LIMK1: variants seen among roughly 807,000 people sequenced by gnomAD.
The protein encoded by LIMK1 is LIM domain kinase 1, also known as LIM motif-containing protein kinase.
LIMK1 carries 21 observed loss-of-function variants against 77.6 expected under a neutral mutation model. That is an observed-to-expected ratio of 0.27 (90% CI 0.19 to 0.39). LIMK1 has a LOEUF of 0.39. Among genes scored for constraint, LIMK1 ranks in the 10% least tolerant of loss-of-function variants. The pLI, the probability that LIMK1 is intolerant of heterozygous loss-of-function variation, is 1.00. For missense variants in LIMK1, 696 were observed against 901.6 expected (o/e 0.77, Z 2.92); for synonymous variants, 358 against 370.0 (o/e 0.97, Z 0.37).
At chr7:74,093,626 G>A (rs1356199090) in intron 2 of LIMK1, among the ~76,000 whole-genome samples, 2 of 152,178 alleles carry the variant, frequency 1.3e-5, no homozygotes, top group African/African-American at 2.4e-5. Context: ...CTGGGCTGCA[G>A]AGCACCCCTT....
chr7:74,120,732 A>G lies in LIMK1; in HGVS notation c.1623+94A>G, dbSNP rs549381175. ...TCAGCATCTGCAGGGGCCTCATGCCAGGAAGCCTGCCCACAGCAAGGCATG... is the reference window on the plus strand; with the variant it reads ...TCAGCATCTGCAGGGGCCTCATGCCGGGAAGCCTGCCCACAGCAAGGCATG... On this transcript the variant is annotated intron_variant, in intron 14 of 15. Transcript: ENST00000336180. 4 of 1,554,574 alleles carry G rather than the reference A, an allele frequency of 2.6e-6. No individual in the cohort carries two copies. The African/African-American group carries it at 4.1e-5, about 16-fold the overall frequency.
chr7:74,111,686 C>A lies in LIMK1; in HGVS notation c.1323C>A (p.Ala441=), dbSNP rs782605729. The change falls in exon 11 of 16, where the codon GCC becomes GCA. Residue 441 remains alanine (A), a synonymous_variant. Transcript: ENST00000336180. ...QYPWSQRVSF[A]KDIASGMAYL... ...CATGGAGCCAGAGAGTGAGCTTTGC[C>A]AAGGACATCGCATCAGGGATGGTGA... is the stretch of plus-strand genomic sequence containing the variant. The A allele has an allele frequency of 6.2e-7, 1 of 1,613,390 alleles. No individual in the cohort carries two copies. Among genetic ancestry groups the A allele is most frequent in the Admixed American group, 1.7e-5 (1 of 59,894 alleles).
At chr7:74,092,823 G>A (rs1306454319) in intron 2 of LIMK1, among the ~76,000 whole-genome samples, 2 of 152,198 alleles carry the variant, frequency 1.3e-5, no homozygotes, top group Non-Finnish European at 2.9e-5. Context: ...ATAGGAAGTC[G>A]ACCTCTGTTC....
chr7:74,114,274 G>T (rs929057184), intron 12 of LIMK1, among the ~76,000 whole-genome samples: 2 of 152,038 alleles, frequency 1.3e-5, no homozygotes, highest in African/African-American at 4.8e-5. Flanking sequence ...ATCTGTGTTG[G>T]CTTACACCTG....
chr7:74,091,213 C>T (rs986900712), intron 2 of LIMK1, among the ~76,000 whole-genome samples: 1 of 151,894 alleles, frequency 6.6e-6, no homozygotes. Context: ...CGTGAGCCAC[C>T]GTGCCCGGCA....
At position 74,097,073 on chromosome 7, in the gene LIMK1, G is replaced by A. The variant is rs782430791; in HGVS notation, c.292-7G>A. On this transcript the variant is annotated splice_region_variant and splice_polypyrimidine_tract_variant and intron_variant, in intron 3 of 15. Transcript: ENST00000336180. ...GCTGGGCTGTTCCCTCCTCACCCCC[G>A]CACCAGGTGGCTGGGGAGCTGAAGT... 23 of 1,604,676 alleles carry A rather than the reference G, an allele frequency of 1.4e-5. No homozygotes were observed. Among genetic ancestry groups the A allele is most frequent in the Admixed American group, 3.4e-5 (2 of 59,560 alleles).
intron 10 of LIMK1, chr7:74,110,764 C>T (rs1011808661): frequency 8.8e-4 from 134 of 151,956 alleles, no homozygotes; most frequent in African/African-American, 3.1e-3. Flanking sequence ...CTCCTGACCT[C>T]GTGATCCAAC....
intron 14 of LIMK1, 37 bp from the exon 15 acceptor site, chr7:74,120,855 G>C (rs782450095): frequency 1.9e-6 from 3 of 1,612,710 alleles, no homozygotes; most frequent in Non-Finnish European, 2.5e-6. Flanking sequence ...CAGGCTGAGG[G>C]CCCCCTGGAG....
intron 4 of LIMK1, 80 bp from the exon 5 acceptor site, chr7:74,098,952 C>A: frequency 8.6e-7 from 1 of 1,160,752 alleles, no homozygotes; most frequent in Non-Finnish European, 1.2e-6. Flanking sequence ...GGGGAAGAGC[C>A]TGGGGCTGGG....
intron 14 of LIMK1, 72 bp from the exon 15 acceptor site, chr7:74,120,820 A>T (rs1799919854): frequency 1.2e-6 from 2 of 1,600,010 alleles, no homozygotes; most frequent in Non-Finnish European, 1.7e-6. Context: ...CTGCCCTCAA[A>T]CCACCTGGAT....
In LIMK1 at chr7:74,086,048, AT is replaced by A. The variant is rs1303354593; in HGVS notation, c.152+213del. Among the ~76,000 whole-genome samples, 95 of 151,230 alleles carry A rather than the reference AT, an allele frequency of 6.3e-4. 1 individual carries two copies. Among genetic ancestry groups the A allele is most frequent in the African/African-American group, 1.7e-3 (71 of 41,238 alleles). On this transcript the variant is annotated intron_variant, in intron 2 of 15. Transcript: ENST00000336180. ...CTTCCTGTTGTCATTTTATTTATCT[AT>A]TTTTTTTTCTTTTTGAGACGGAGTC... is the stretch of plus-strand genomic sequence containing the variant.
At chr7:74,109,675 C>T (rs1313872627) in intron 10 of LIMK1, 1 of 153,112 alleles carries the variant, frequency 6.5e-6, no homozygotes, top group Non-Finnish European at 1.5e-5. Context: ...GGTAACCCGT[C>T]TCTACTAAAA....
chr7:74,101,377 C>T (rs1554696563), intron 5 of LIMK1, among the ~76,000 whole-genome samples: 1 of 152,198 alleles, frequency 6.6e-6, no homozygotes, highest in African/African-American at 2.4e-5. Context: ...TGCAGCGGCT[C>T]ATGCCTGTTA....
chr7:74,116,030 C>T, intron 13 of LIMK1, 72 bp downstream of exon 13: 3 of 1,513,184 alleles, frequency 2.0e-6, no homozygotes, highest in South Asian at 2.4e-5. Flanking sequence ...GCTGTAACCT[C>T]CCAAGCCCCT....
chr7:74,098,920 A>AG, intron 4 of LIMK1, 112 bp from the exon 5 acceptor site: 1 of 874,078 alleles, frequency 1.1e-6, no homozygotes. Context: ...CTCAAAAAAA[A>AG]AAAAAAAAAA....
At position 74,111,827 on chromosome 7, in the gene LIMK1, C is replaced by G; in HGVS notation, c.1345-106C>G. ...CGATGGGAGAGTGGGAAGAATCGTC[C>G]CGACTGGCCTGATTGGGGTGGGAGC... On this transcript the variant is annotated intron_variant, in intron 11 of 15. Coordinates refer to ENST00000336180, the MANE Select transcript of LIMK1 (RefSeq NM_002314.4). The G allele has an allele frequency of 3.5e-6, 5 of 1,435,544 alleles. No homozygotes were observed. In the South Asian group the frequency reaches 4.6e-5, roughly 13 times the overall value. 88.9% of individuals were successfully genotyped at this position (1,435,544 alleles called of 1,614,324 possible).
At chr7:74,093,096 C>T (rs1243908291) in intron 2 of LIMK1, 15 of 1,402,778 alleles carry the variant, frequency 1.1e-5, no homozygotes, top group Non-Finnish European at 5.6e-6. Flanking sequence ...CTGGCACCCA[C>T]GCGGCTGCAG....
intron 1 of LIMK1, among the ~76,000 whole-genome samples, chr7:74,084,303 C>T (rs1554693772): frequency 2.6e-5 from 4 of 152,090 alleles, no homozygotes; most frequent in Admixed American, 2.0e-4. Flanking sequence ...CCGCGAAGGA[C>T]TCCCAGACAC....
chr7:74,120,617 C>T lies in LIMK1; in HGVS notation c.1602C>T (p.Ser534=), dbSNP rs1799913257. ...ATGATGAGAAGGTGGATGTGTTCTC[C>T]TTTGGGATCGTCCTGTGCGAGGTAG... ...RSYDEKVDVF[S]FGIVLCEIIG... Residue 534 remains serine, a synonymous_variant, in exon 14 of 16, where the codon TCC becomes TCT. Transcript: ENST00000336180. The T allele has an allele frequency of 1.2e-6, 2 of 1,614,124 alleles. No individual in the cohort carries two copies. The highest frequency in any genetic ancestry group is 1.1e-5 in the South Asian group (1 of 91,092).
Sources: allele counts gnomAD v4.1 joint callset (sites outside exome capture counted in the v4.1 genomes callset), GRCh38; gene constraint gnomAD v4.1.1; transcripts MANE v1.5; gene names NCBI Gene and HGNC (gene_info 2026-07-23, HGNC 2026-07-21).